The following ROBO2 variants were observed in gnomAD, a reference collection of about 807,000 sequenced individuals.
ROBO2 encodes the protein roundabout homolog 2.
Under a neutral mutation model 160.8 loss-of-function variants are expected in ROBO2, and 53 were observed. The observed-to-expected ratio is 0.33, with a 90% confidence interval of 0.26 to 0.41. The LOEUF (loss-of-function observed/expected upper bound fraction) is 0.41. Among genes scored for constraint, ROBO2 ranks in the 10% least tolerant of loss-of-function variants. ROBO2 has a pLI of 1.00. For missense variants in ROBO2, 1,577 were observed against 1,722.4 expected (o/e 0.92, Z 1.49); for synonymous variants, 664 against 611.7 (o/e 1.09, Z -1.26).
intron 1 of ROBO2, among the ~76,000 whole-genome samples, chr3:75,933,234 T>C (rs1019200272): frequency 5.9e-5 from 9 of 152,214 alleles, no homozygotes; most frequent in African/African-American, 2.2e-4. Flanking sequence ...AGAGCTGTAA[T>C]GGGCTCTGCT....
intron 2 of ROBO2, among the ~76,000 whole-genome samples, chr3:76,471,970 C>A (rs7633061): frequency 6.6e-6 from 1 of 152,038 alleles, no homozygotes; most frequent in African/African-American, 2.4e-5. Context: ...GTCCCTCCCA[C>A]GACATGTGGA....
At chr3:77,115,782 T>A (rs566867773) in intron 2 of ROBO2, among the ~76,000 whole-genome samples, 1 of 152,294 alleles carries the variant, frequency 6.6e-6, no homozygotes, top group African/African-American at 2.4e-5. Flanking sequence ...TTGTATTTGT[T>A]TGTGATTATC....
intron 2 of ROBO2, among the ~76,000 whole-genome samples, chr3:76,889,914 T>C (rs969994743): frequency 6.6e-6 from 1 of 152,134 alleles, no homozygotes; most frequent in Admixed American, 6.6e-5. Flanking sequence ...GCAAGCTTAG[T>C]GCAGATTGCT....
chr3:76,782,642 C>T lies in ROBO2; in HGVS notation c.110-315372C>T, dbSNP rs544187485. 2.7e-5 allele frequency among the ~76,000 whole-genome samples: 4 copies of T among 150,694 alleles called. No individual in the cohort carries two copies. In the South Asian group the frequency reaches 8.3e-4, roughly 31 times the overall value. Reference sequence around the variant, plus strand: ...GTTCTTTTGTAATAACTTTCTTTGTCCCATTTTACAGTTTTTGACTTAAAA... The same window carrying T: ...GTTCTTTTGTAATAACTTTCTTTGTTCCATTTTACAGTTTTTGACTTAAAA... On this transcript the variant is annotated intron_variant, in intron 2 of 26. Coordinates refer to the ROBO2 transcript ENST00000487694.
rs549715614 is a variant in ROBO2, at chr3:76,917,084, A to G, written c.110-180930A>G. Reference sequence around the variant, plus strand: ...AGGCAGGCGTTGATAATGATAACCGACAAACCAAGGCTGGGCTCATGGACA... The same window carrying G: ...AGGCAGGCGTTGATAATGATAACCGGCAAACCAAGGCTGGGCTCATGGACA... On this transcript the variant is annotated intron_variant, in intron 2 of 26. Coordinates refer to the ROBO2 transcript ENST00000487694. 1.4e-4 allele frequency among the ~76,000 whole-genome samples: 21 copies of G among 152,284 alleles called. No individual in the cohort carries two copies. The South Asian group carries it at 3.9e-3, about 29-fold the overall frequency.
intron 2 of ROBO2, among the ~76,000 whole-genome samples, chr3:76,751,780 A>C (rs76815521): frequency 0.66 from 98,644 of 149,832 alleles, 32,644 homozygotes; most frequent in African/African-American, 0.76. Flanking sequence ...ATCATTAAAA[A>C]GTCAGGAAAC....
chr3:76,438,280 G>T (rs760378274), intron 2 of ROBO2, among the ~76,000 whole-genome samples: 6 of 152,008 alleles, frequency 3.9e-5, no homozygotes, highest in Non-Finnish European at 7.4e-5. Context: ...TTGCAATAAA[G>T]TGCTAGAAGG....
At chr3:76,970,579 A>G (rs543055742) in intron 2 of ROBO2, among the ~76,000 whole-genome samples, 14 of 152,290 alleles carry the variant, frequency 9.2e-5, no homozygotes, top group Admixed American at 3.9e-4. Context: ...GAAGGGCTAC[A>G]TGGAAAGGGA....
chr3:76,182,032 T>A (rs1294742212), intron 2 of ROBO2, among the ~76,000 whole-genome samples: 1 of 152,156 alleles, frequency 6.6e-6, no homozygotes, highest in Non-Finnish European at 1.5e-5. Flanking sequence ...GAGTTCAGTG[T>A]ATGAGAACTA....
In ROBO2 at chr3:77,294,606, A is replaced by G. The variant is rs1364613604; in HGVS notation, c.389-182808A>G. Among the ~76,000 whole-genome samples the G allele has an allele frequency of 4.7e-5, 7 of 149,116 alleles. 2 individuals are homozygous for G. Among genetic ancestry groups the G allele is most frequent in the African/African-American group, 1.8e-4 (7 of 38,830 alleles). On this transcript the variant is annotated intron_variant, in intron 2 of 25. Coordinates refer to ENST00000461745, the Ensembl canonical transcript of ROBO2. The stretch of plus-strand genomic sequence containing the variant: ...GTAAGCTGAGGCTAGATCATCAAAG[A>G]CATAAAGTAAAATTGACGGTTAAAC...
At chr3:76,101,655 G>A (rs544916134) in intron 2 of ROBO2, among the ~76,000 whole-genome samples, 8 of 151,768 alleles carry the variant, frequency 5.3e-5, no homozygotes, top group African/African-American at 1.5e-4. Flanking sequence ...CCATTAACTC[G>A]TCATTTACAT....
intron 2 of ROBO2, among the ~76,000 whole-genome samples, chr3:76,313,269 A>C (rs2071727337): frequency 6.6e-6 from 1 of 152,222 alleles, no homozygotes; most frequent in African/African-American, 2.4e-5. Context: ...AGTTCCTGCG[A>C]TGTAGCCTCG....
chr3:77,586,950 T>C lies in ROBO2; in HGVS notation c.2501-1801T>C, dbSNP rs541737328. Among the ~76,000 whole-genome samples, 4 of 151,784 alleles carry C rather than the reference T, an allele frequency of 2.6e-5. No individual in the cohort carries two copies. In the East Asian group the frequency reaches 7.7e-4, roughly 29 times the overall value. ...CATAAATGACGCTGGTTTTTAAATC[T>C]GAAATTTAATACAAAAGACCTTTCA... On this transcript the variant is annotated intron_variant, in intron 16 of 25. Coordinates refer to ENST00000461745, the Ensembl canonical transcript of ROBO2.
chr3:76,002,686 C>T (rs1342321466), intron 2 of ROBO2, among the ~76,000 whole-genome samples: 2 of 152,166 alleles, frequency 1.3e-5, no homozygotes, highest in Non-Finnish European at 2.9e-5. Context: ...ATTACCCAGT[C>T]TCCAGTATGT....
chr3:75,988,155 G>C (rs755992353), intron 2 of ROBO2, among the ~76,000 whole-genome samples: 25 of 151,944 alleles, frequency 1.6e-4, no homozygotes, highest in Non-Finnish European at 3.4e-4. Flanking sequence ...GAAGCTGTCA[G>C]GTCCAGGGAT....
chr3:76,920,757 T>C (rs1374693901), intron 2 of ROBO2, among the ~76,000 whole-genome samples: 1 of 152,246 alleles, frequency 6.6e-6, no homozygotes, highest in African/African-American at 2.4e-5. Context: ...TTGAACTGCT[T>C]AGGTTGAAAC....
chr3:77,236,581 A>G (rs2088018437), intron 2 of ROBO2, among the ~76,000 whole-genome samples: 1 of 152,162 alleles, frequency 6.6e-6, no homozygotes. Flanking sequence ...TGGGTACACT[A>G]TTGGTTGGTA....
intron 2 of ROBO2, among the ~76,000 whole-genome samples, chr3:76,886,233 G>C (rs1301995662): frequency 6.9e-6 from 1 of 145,818 alleles, no homozygotes; most frequent in East Asian, 2.0e-4. Context: ...GCCTTTTATA[G>C]CTAGGAGAAT....
At position 76,447,016 on chromosome 3, in the gene ROBO2, G is replaced by A. The variant is rs560462439; in HGVS notation, c.109+509414G>A. 2.6e-5 allele frequency among the ~76,000 whole-genome samples: 4 copies of A among 152,242 alleles called. No individual in the cohort carries two copies. In the South Asian group the frequency reaches 8.3e-4, roughly 32 times the overall value. On this transcript the variant is annotated intron_variant, in intron 2 of 26. Coordinates refer to the ROBO2 transcript ENST00000487694. ...CATGTCTAAAACACCAAAAGCAATG[G>A]CAACAAAAGCCAAAATTGACAGATG... is the stretch of plus-strand genomic sequence containing the variant.
Sources: allele counts gnomAD v4.1 joint callset (sites outside exome capture counted in the v4.1 genomes callset), GRCh38; gene constraint gnomAD v4.1.1; transcripts MANE v1.5; gene names NCBI Gene and HGNC (gene_info 2026-07-23, HGNC 2026-07-21).